Variants in RABGAP1 observed in about 807,000 individuals in gnomAD.
RABGAP1 encodes RAB GTPase activating protein 1.
A neutral mutation model predicts 137.6 loss-of-function variants in RABGAP1; 23 were observed. The observed-to-expected ratio is 0.17, with a 90% confidence interval of 0.12 to 0.24. The LOEUF is 0.24. Among genes scored for constraint, RABGAP1 ranks in the 10% least tolerant of loss-of-function variants. The pLI, the probability that RABGAP1 is intolerant of heterozygous loss-of-function variation, is 1.00. For synonymous variants in RABGAP1, 451 were observed against 450.7 expected, an observed-to-expected ratio of 1.00 and a Z score of -0.01; for missense variants, 906 against 1,275.8, an observed-to-expected ratio of 0.71 and a Z score of 4.42.
intron 19 of RABGAP1, among the ~76,000 whole-genome samples, chr9:123,082,613 A>G (rs2034744622): frequency 6.6e-6 from 1 of 152,224 alleles, no homozygotes. Context: ...TGGCCCAGTG[A>G]GTTTCCTAGA....
intron 1 of RABGAP1, among the ~76,000 whole-genome samples, chr9:122,953,341 A>G (rs1834351462): frequency 6.6e-6 from 1 of 151,834 alleles, no homozygotes; most frequent in Non-Finnish European, 1.5e-5. Context: ...ATAGTATAAC[A>G]TTACCTCTAT....
intron 2 of RABGAP1, among the ~76,000 whole-genome samples, chr9:122,964,647 T>A (rs1207106473): frequency 6.6e-6 from 1 of 152,128 alleles, no homozygotes; most frequent in Non-Finnish European, 1.5e-5. Context: ...TTCCCCCGCC[T>A]AAGTTTAAGA....
chr9:122,953,310 T>C (rs1834348970), intron 1 of RABGAP1, among the ~76,000 whole-genome samples: 1 of 152,228 alleles, frequency 6.6e-6, no homozygotes, highest in Non-Finnish European at 1.5e-5. Flanking sequence ...TAGTAATTTA[T>C]ACAGTAGCTC....
In RABGAP1 at chr9:122,972,856, C is replaced by A. The variant is rs574925646; in HGVS notation, c.151-11629C>A. ...GGTTATAGAAAACATAAAGGTATGG[C>A]CGGGCGTGATGGCTCACACCTGTAA... On this transcript the variant is annotated intron_variant, in intron 2 of 25. Transcript: ENST00000373647. Among the ~76,000 whole-genome samples, 22 of 151,962 alleles carry A rather than the reference C, an allele frequency of 1.4e-4. 1 individual carries two copies. In the East Asian group the frequency reaches 4.3e-3, roughly 29 times the overall value.
chr9:122,964,447 A>G (rs1040684754), intron 2 of RABGAP1, among the ~76,000 whole-genome samples: 17 of 152,238 alleles, frequency 1.1e-4, no homozygotes, highest in African/African-American at 4.1e-4. Flanking sequence ...CCGTATCTAT[A>G]GAATAAAAAG....
chr9:123,083,019 C>T (rs1420005262), intron 19 of RABGAP1, among the ~76,000 whole-genome samples: 12 of 152,216 alleles, frequency 7.9e-5, no homozygotes, highest in Non-Finnish European at 1.5e-4. Flanking sequence ...ATACACAGTG[C>T]TCTCATACAG....
intron 13 of RABGAP1, among the ~76,000 whole-genome samples, chr9:123,056,701 T>G (rs1223015448): frequency 6.6e-6 from 1 of 151,926 alleles, no homozygotes; most frequent in East Asian, 1.9e-4. Flanking sequence ...CATGCTGCCT[T>G]CAAGCATCTG....
chr9:123,000,554 T>C (rs969874812), intron 10 of RABGAP1, among the ~76,000 whole-genome samples: 1 of 152,230 alleles, frequency 6.6e-6, no homozygotes, highest in African/African-American at 2.4e-5. Flanking sequence ...TTTATCTTGG[T>C]TCTCAGGACA....
At position 123,101,646 on chromosome 9, in the gene RABGAP1, G is replaced by A; in HGVS notation, c.2970G>A (p.Glu990=). 1 of 1,614,162 alleles carries A rather than the reference G, an allele frequency of 6.2e-7. No homozygotes were observed. Among genetic ancestry groups the A allele is most frequent in the Non-Finnish European group, 8.5e-7 (1 of 1,180,034 alleles). Residue 990 remains glutamate (E), a synonymous_variant, in exon 25 of 26, where the codon GAG becomes GAA. Transcript: ENST00000373647. ...GRVKGISSTK[E]VLDEDTDEEK... ...TAAAAGGCATAAGCTCAACCAAGGA[G>A]GTTTTAGATGAGGACACGGATGAAG...
intron 13 of RABGAP1, among the ~76,000 whole-genome samples, chr9:123,038,342 A>C (rs1169053097): frequency 6.6e-6 from 1 of 152,144 alleles, no homozygotes; most frequent in Non-Finnish European, 1.5e-5. Context: ...TAATGGTCTC[A>C]GTATTTTAAG....
At chr9:122,953,443 C>T (rs1297583163) in intron 1 of RABGAP1, among the ~76,000 whole-genome samples, 1 of 150,476 alleles carries the variant, frequency 6.6e-6, no homozygotes, top group Non-Finnish European at 1.5e-5. Context: ...TGCTCTGTTG[C>T]CAGGCTGGAG....
chr9:123,017,530 AT>A (rs1197744092), intron 12 of RABGAP1, among the ~76,000 whole-genome samples: 1 of 152,098 alleles, frequency 6.6e-6, no homozygotes, highest in African/African-American at 2.4e-5. Flanking sequence ...TATGTGTTCT[AT>A]GGGTAAGAAG....
At chr9:122,952,231 TGAG>T (rs1394597409) in intron 1 of RABGAP1, among the ~76,000 whole-genome samples, 1 of 152,066 alleles carries the variant, frequency 6.6e-6, no homozygotes, top group Non-Finnish European at 1.5e-5. Flanking sequence ...TTTGGGTGGC[TGAG>T]AATTTTTTTT....
At chr9:123,093,910 CAT>C (rs1413850346) in intron 21 of RABGAP1, among the ~76,000 whole-genome samples, 3 of 152,206 alleles carry the variant, frequency 2.0e-5, no homozygotes, top group African/African-American at 7.2e-5. Context: ...CAATCCAGAA[CAT>C]GTTAAAATTT....
chr9:123,071,150 C>T (rs1054042334), intron 15 of RABGAP1, among the ~76,000 whole-genome samples: 2 of 152,276 alleles, frequency 1.3e-5, no homozygotes, highest in South Asian at 4.1e-4. Context: ...CCAAGAAATT[C>T]CACATTGATT....
At chr9:122,990,262 A>G (rs1464166171) in intron 6 of RABGAP1, 49 bp downstream of exon 6, 1 of 1,469,064 alleles carries the variant, frequency 6.8e-7, no homozygotes, top group Non-Finnish European at 9.3e-7. Context: ...GGTTCAGGGG[A>G]AATTCTAGGT....
chr9:123,024,326 T>G (rs967877376), intron 13 of RABGAP1, among the ~76,000 whole-genome samples: 9 of 152,192 alleles, frequency 5.9e-5, no homozygotes, highest in African/African-American at 2.2e-4. Flanking sequence ...CCACCAGCAA[T>G]GTAGTTGCAT....
At chr9:123,099,591 T>G in intron 24 of RABGAP1, 42 bp downstream of exon 24, 2 of 1,522,184 alleles carry the variant, frequency 1.3e-6, no homozygotes, top group South Asian at 1.1e-5. Flanking sequence ...ACCACCTACT[T>G]CATTTTATGG....
chr9:123,004,291 A>G (rs965266659), intron 10 of RABGAP1, among the ~76,000 whole-genome samples: 2 of 151,376 alleles, frequency 1.3e-5, no homozygotes, highest in Non-Finnish European at 2.9e-5. Flanking sequence ...GTATCTCAAC[A>G]ACGTCTTTTT....
Sources: allele counts gnomAD v4.1 joint callset (sites outside exome capture counted in the v4.1 genomes callset), GRCh38; gene constraint gnomAD v4.1.1; transcripts MANE v1.5; gene names NCBI Gene and HGNC (gene_info 2026-07-23, HGNC 2026-07-21).